TMEFF2: variants seen among roughly 807,000 people sequenced by gnomAD.
TMEFF2 encodes the protein tomoregulin-2.
A neutral mutation model predicts 53.8 loss-of-function variants in TMEFF2; 28 were observed. That is an observed-to-expected ratio of 0.52 (90% CI 0.39 to 0.71). The LOEUF is 0.71. TMEFF2 is among the 30% of genes least tolerant of loss of function. The pLI is 0.00. For missense variants in TMEFF2, 353 were observed against 455.2 expected (o/e 0.78, Z 2.04); for synonymous variants, 162 against 166.3 (o/e 0.97, Z 0.20).
chr2:192,060,837 A>C (rs1422121124), intron 4 of TMEFF2, among the ~76,000 whole-genome samples: 2 of 152,164 alleles, frequency 1.3e-5, no homozygotes, highest in Non-Finnish European at 2.9e-5. Flanking sequence ...TTGAGTTGCA[A>C]AGTAAGATAA....
intron 5 of TMEFF2, among the ~76,000 whole-genome samples, chr2:192,017,586 C>T (rs942310818): frequency 1.3e-5 from 2 of 152,194 alleles, no homozygotes. Context: ...CCTTGTACCT[C>T]TCTTTCCCCC....
chr2:192,170,266 A>G (rs993508942), intron 4 of TMEFF2, among the ~76,000 whole-genome samples: 17 of 152,088 alleles, frequency 1.1e-4, no homozygotes, highest in African/African-American at 4.1e-4. Flanking sequence ...TCAGTGTGTC[A>G]GAAATTCTAC....
At position 192,194,630 on chromosome 2, in the gene TMEFF2, G is replaced by A; in HGVS notation, c.-106C>T. ...CATCCCGCGGACGGCGGCAGCAGAG[G>A]CGGCGGCGGTGGCAGTGGCACCCGG... is the stretch of plus-strand genomic sequence containing the variant. On this transcript the variant is annotated 5_prime_UTR_variant, in exon 1 of 10. Coordinates refer to ENST00000272771, the MANE Select transcript of TMEFF2 (RefSeq NM_016192.4). This position sits in a 1 kb window ranked among gnomAD's most constrained non-coding sequence, Gnocchi z 4.2. 3.6e-6 allele frequency: 5 copies of A among 1,379,634 alleles called. No homozygotes were observed. The highest frequency in any genetic ancestry group is 2.4e-5 in the East Asian group (1 of 41,540). 85.5% of individuals were successfully genotyped at this position (1,379,634 alleles called of 1,614,324 possible). A position where few individuals can be genotyped will look rare whatever the true frequency, so the allele number is the denominator to read the frequency against.
At chr2:191,978,598 A>C (rs754658193) in intron 7 of TMEFF2, among the ~76,000 whole-genome samples, 3 of 152,152 alleles carry the variant, frequency 2.0e-5, no homozygotes, top group Non-Finnish European at 2.9e-5. Flanking sequence ...AAATACAAGT[A>C]TTGCCCTTCA....
chr2:192,110,247 G>A (rs1198206849), intron 4 of TMEFF2, among the ~76,000 whole-genome samples: 1 of 152,132 alleles, frequency 6.6e-6, no homozygotes, highest in Non-Finnish European at 1.5e-5. Flanking sequence ...ACTAAAATAT[G>A]TCCACTGGAT....
chr2:192,187,157 A>C (rs1198963799), intron 2 of TMEFF2, among the ~76,000 whole-genome samples: 1 of 152,212 alleles, frequency 6.6e-6, no homozygotes, highest in Non-Finnish European at 1.5e-5. Flanking sequence ...GTGGGAGTCT[A>C]GTCCTAAGTT....
chr2:192,156,454 C>T (rs1398804895), intron 4 of TMEFF2, among the ~76,000 whole-genome samples: 1 of 151,930 alleles, frequency 6.6e-6, no homozygotes, highest in South Asian at 2.1e-4. Flanking sequence ...TATTCAAACC[C>T]AGAGTCTGGG....
At chr2:192,104,759 T>C (rs896411669) in intron 4 of TMEFF2, among the ~76,000 whole-genome samples, 3 of 152,056 alleles carry the variant, frequency 2.0e-5, no homozygotes, top group Non-Finnish European at 4.4e-5. Context: ...TTGTCACAAA[T>C]TTCTGGCCAA....
In TMEFF2 at chr2:191,949,135, T is replaced by C. The variant is rs1156264989; in HGVS notation, c.*1176A>G. On this transcript the variant is annotated 3_prime_UTR_variant, in exon 10 of 10. Transcript: ENST00000272771. ...CTAAATGATAATAATTGATTTATTT[T>C]CATCTTATTCCTTGAGAATTTTCAC... 1.0e-6 allele frequency: 1 copy of C among 985,154 alleles called. No individual in the cohort carries two copies. Among genetic ancestry groups the C allele is most frequent in the Non-Finnish European group, 1.2e-6 (1 of 829,798 alleles). 61.0% of individuals were successfully genotyped at this position (985,154 alleles called of 1,614,324 possible).
intron 5 of TMEFF2, among the ~76,000 whole-genome samples, chr2:192,000,427 A>G (rs1686327750): frequency 6.6e-6 from 1 of 152,166 alleles, no homozygotes; most frequent in African/African-American, 2.4e-5. Flanking sequence ...ATAAGGTCCC[A>G]CTCATAGATT....
chr2:192,098,136 C>T (rs1688956686), intron 4 of TMEFF2, among the ~76,000 whole-genome samples: 1 of 152,068 alleles, frequency 6.6e-6, no homozygotes, highest in South Asian at 2.1e-4. Context: ...TGAATTTAAC[C>T]ACAATAGCAA....
intron 5 of TMEFF2, among the ~76,000 whole-genome samples, chr2:192,034,148 C>A (rs994992207): frequency 5.1e-5 from 7 of 137,776 alleles, no homozygotes; most frequent in Non-Finnish European, 1.5e-5. Flanking sequence ...GCACTCCAGC[C>A]TGGGTGACAG....
intron 4 of TMEFF2, among the ~76,000 whole-genome samples, chr2:192,136,074 G>T (rs924727305): frequency 6.6e-6 from 1 of 152,056 alleles, no homozygotes; most frequent in Non-Finnish European, 1.5e-5. Context: ...CTCACACAAA[G>T]CCTGTTTGGT....
intron 5 of TMEFF2, among the ~76,000 whole-genome samples, chr2:192,055,143 C>A (rs1687871775): frequency 6.6e-6 from 1 of 152,128 alleles, no homozygotes; most frequent in Non-Finnish European, 1.5e-5. Flanking sequence ...CAGATGCAGT[C>A]ACCAATAAAC....
intron 4 of TMEFF2, among the ~76,000 whole-genome samples, chr2:192,118,129 A>C (rs2105963009): frequency 6.6e-6 from 1 of 151,990 alleles, no homozygotes; most frequent in South Asian, 2.1e-4. Flanking sequence ...CTTATGATTT[A>C]CTCCATAAAG....
rs566835332 is a variant in TMEFF2 at position 192,007,717 on chromosome 2, A to C, written c.537-8509T>G. Among the ~76,000 whole-genome samples the C allele has an allele frequency of 3.9e-5, 6 of 152,266 alleles. No individual in the cohort carries two copies. In the East Asian group the frequency reaches 7.7e-4, roughly 20 times the overall value. ...TGTGATGAGAAGGTCAACATGATGA[A>C]AGCGGTGCTTTAGAAAGATGGCGCT... On this transcript the variant is annotated intron_variant, in intron 5 of 9. Transcript: ENST00000272771.
chr2:191,979,309 G>T (rs1685803108), intron 7 of TMEFF2, among the ~76,000 whole-genome samples: 1 of 152,186 alleles, frequency 6.6e-6, no homozygotes, highest in Admixed American at 6.5e-5. Context: ...TTGATAGGAA[G>T]TTCTCAGTTT....
intron 7 of TMEFF2, among the ~76,000 whole-genome samples, chr2:191,970,825 C>T (rs1021775234): frequency 6.6e-6 from 1 of 152,096 alleles, no homozygotes; most frequent in African/African-American, 2.4e-5. Flanking sequence ...TAGGATGTGA[C>T]CTGGAAAGTC....
chr2:192,077,919 C>T (rs1688470117), intron 4 of TMEFF2, among the ~76,000 whole-genome samples: 3 of 151,998 alleles, frequency 2.0e-5, no homozygotes, highest in Admixed American at 2.0e-4. Context: ...AATCTGACTC[C>T]TTGCCACCCC....
Sources: gnomAD v4.1 joint callset for allele counts (sites outside exome capture counted in the v4.1 genomes callset) on GRCh38, gnomAD v4.1.1 for gene constraint, Gnocchi (gnomAD v3.1) non-coding constraint, MANE v1.5 for transcripts, NCBI Gene and HGNC (gene_info 2026-07-23, HGNC 2026-07-21) for gene names.